ABHD12: variants seen among roughly 807,000 people sequenced by gnomAD.
ABHD12 encodes lysophosphatidylserine lipase ABHD12.
A neutral mutation model predicts 58.3 loss-of-function variants in ABHD12; 43 were observed. The observed-to-expected ratio is 0.74, with a 90% CI of 0.58 to 0.95. The LOEUF is 0.95. Among genes scored for constraint, ABHD12 ranks in the 40% least tolerant of loss-of-function variants. ABHD12 has a pLI of 0.00. For missense variants in ABHD12, 539 were observed against 537.2 expected (o/e 1.00, Z -0.03); for synonymous variants, 219 against 211.2 (o/e 1.04, Z -0.32).
At chr20:25,385,499 C>A (rs1004205292) in intron 1 of ABHD12, among the ~76,000 whole-genome samples, 9 of 151,970 alleles carry the variant, frequency 5.9e-5, no homozygotes, top group African/African-American at 2.2e-4. Context: ...CAGGACATAG[C>A]AAATTCTAAA....
rs751917613 is a variant in ABHD12, at chr20:25,339,317, G to A, written c.226C>T (p.Leu76Phe). The A allele has an allele frequency of 1.9e-6, 3 of 1,614,032 alleles. No individual in the cohort carries two copies. Among genetic ancestry groups the A allele is most frequent in the Non-Finnish European group, 2.5e-6 (3 of 1,180,036 alleles). ...ATGTACAACCCCAAAACACAGAAAA[G>A]TATCTTCCTCAGGCGCAACCACACG... ...KGVWLRLRKI[L>F]FCVLGLYIAI... The change falls in exon 2 of 13, where the codon CTT becomes TTT. Residue 76 changes from leucine (L) to phenylalanine (F), a missense_variant. Physicochemically the swap from Leu to Phe is conservative, Grantham distance 22. Coordinates refer to ENST00000339157, the MANE Select transcript of ABHD12 (RefSeq NM_001042472.3).
intron 6 of ABHD12, among the ~76,000 whole-genome samples, chr20:25,312,076 C>T (rs4355182): frequency 0.62 from 93,742 of 151,772 alleles, 30,526 homozygotes; most frequent in African/African-American, 0.79. Context: ...CCCAACACTT[C>T]GGGAGGCCAA....
In ABHD12 at chr20:25,339,220, CACTT is replaced by C; in HGVS notation, c.316+3_316+6del. 6.2e-7 allele frequency: 1 copy of C among 1,613,990 alleles called. No homozygotes were observed. The highest frequency in any genetic ancestry group is 8.5e-7 in the Non-Finnish European group (1 of 1,179,964). Reference sequence around the variant, plus strand: ...AATTAAAGGAAAAATGGACACATACCACTTACCGAAATTCAAGAAAATCAGTTTG... The same window carrying C: ...AATTAAAGGAAAAATGGACACATACCACCGAAATTCAAGAAAATCAGTTTG... On this transcript the variant is annotated splice_donor_5th_base_variant and intron_variant, in intron 2 of 12. Coordinates refer to ENST00000339157, the MANE Select transcript of ABHD12 (RefSeq NM_001042472.3).
At chr20:25,321,668 TAA>T (rs2145974360) in intron 3 of ABHD12, among the ~76,000 whole-genome samples, 1 of 152,338 alleles carries the variant, frequency 6.6e-6, no homozygotes, top group East Asian at 1.9e-4. Context: ...ACTTCCAGCC[TAA>T]GTCTCACCAC....
At chr20:25,305,715 G>A (rs1161532790) in intron 10 of ABHD12, among the ~76,000 whole-genome samples, 1 of 151,930 alleles carries the variant, frequency 6.6e-6, no homozygotes, top group East Asian at 1.9e-4. Flanking sequence ...ATGTCACAAA[G>A]ACAATATCAA....
rs2088613739 is a variant in ABHD12, at chr20:25,300,404, G to C, written c.*441C>G. ...GGCAGGAGGGGACGATGGAACCACT[G>C]GAGTCATTCTGCATGTGCTGGGAAG... is the stretch of plus-strand genomic sequence containing the variant. On this transcript the variant is annotated 3_prime_UTR_variant, in exon 13 of 13. Coordinates refer to ENST00000339157, the MANE Select transcript of ABHD12 (RefSeq NM_001042472.3). 1.8e-6 allele frequency: 2 copies of C among 1,137,854 alleles called. No homozygotes were observed. The highest frequency in any genetic ancestry group is 8.0e-5 in the Admixed American group (2 of 25,018). 70.5% of individuals were successfully genotyped at this position (1,137,854 alleles called of 1,614,324 possible). A position where few individuals can be genotyped will look rare whatever the true frequency, so the allele number is the denominator to read the frequency against.
chr20:25,353,889 G>A (rs1157642077), intron 1 of ABHD12, among the ~76,000 whole-genome samples: 1 of 152,154 alleles, frequency 6.6e-6, no homozygotes, highest in African/African-American at 2.4e-5. Flanking sequence ...AAGAATGACT[G>A]CTGCGTGATC....
intron 2 of ABHD12, among the ~76,000 whole-genome samples, chr20:25,330,448 G>A (rs567078442): frequency 6.6e-6 from 1 of 152,374 alleles, no homozygotes; most frequent in South Asian, 2.1e-4. Context: ...AGCTCAAACT[G>A]GGTGGAGCCC....
intron 1 of ABHD12, among the ~76,000 whole-genome samples, chr20:25,369,737 T>A (rs1479920027): frequency 6.6e-6 from 1 of 152,166 alleles, no homozygotes; most frequent in African/African-American, 2.4e-5. Flanking sequence ...TAAGCTATTT[T>A]ATAACTTCAC....
chr20:25,380,721 C>A (rs2090012136), intron 1 of ABHD12, among the ~76,000 whole-genome samples: 1 of 152,164 alleles, frequency 6.6e-6, no homozygotes, highest in South Asian at 2.1e-4. Context: ...TAACTCATTG[C>A]CCAGGTCCTG....
chr20:25,366,138 C>T (rs1353637747), intron 1 of ABHD12, among the ~76,000 whole-genome samples: 1 of 152,064 alleles, frequency 6.6e-6, no homozygotes, highest in Non-Finnish European at 1.5e-5. Context: ...GGGCCTTGAA[C>T]TTTTTTCTTT....
At chr20:25,309,774 C>T (rs2088814834) in intron 6 of ABHD12, among the ~76,000 whole-genome samples, 199 bp from the exon 7 acceptor site, 1 of 152,248 alleles carries the variant, frequency 6.6e-6, no homozygotes, top group African/African-American at 2.4e-5. Flanking sequence ...CACATCCCCA[C>T]CAGCCCTGGG....
chr20:25,337,649 A>C (rs1180476949), intron 2 of ABHD12, among the ~76,000 whole-genome samples: 1 of 152,224 alleles, frequency 6.6e-6, no homozygotes, highest in African/African-American at 2.4e-5. Context: ...CCTGGCAGCA[A>C]AGGCACCTGC....
chr20:25,390,549 C>T lies in ABHD12; in HGVS notation c.155G>A (p.Cys52Tyr). ...LTGPAAAEPR[C>Y]AADAGMKRAL... ...CCGCTTCATTCCCGCGTCGGCTGCG[C>T]AGCGCGGCTCAGCCGCCGCCGGGCC... The change falls in exon 1 of 13, where the codon TGC (cysteine) becomes TAC (tyrosine). Residue 52 changes from cysteine to tyrosine, a missense_variant. Physicochemically the swap from Cys to Tyr is radical, Grantham distance 194. Transcript: ENST00000339157. The T allele has an allele frequency of 6.8e-7, 1 of 1,472,424 alleles. No homozygotes were observed. The highest frequency in any genetic ancestry group is 2.3e-4 in the Middle Eastern group (1 of 4,410). The allele number at this position is 1,472,424 out of a possible 1,614,324, so 91.2% of individuals were successfully genotyped here. A position where few individuals can be genotyped will look rare whatever the true frequency, so the allele number is the denominator to read the frequency against.
At chr20:25,302,702 C>T (rs185561343) in intron 11 of ABHD12, among the ~76,000 whole-genome samples, 3 of 152,328 alleles carry the variant, frequency 2.0e-5, no homozygotes, top group Admixed American at 2.0e-4. Flanking sequence ...TCAGGCTTAG[C>T]TAAGATGGGC....
At chr20:25,377,172 T>C (rs1181597037) in intron 1 of ABHD12, among the ~76,000 whole-genome samples, 1 of 152,188 alleles carries the variant, frequency 6.6e-6, no homozygotes, top group Non-Finnish European at 1.5e-5. Context: ...AGCCAGATAT[T>C]GAATGTCCTA....
intron 2 of ABHD12, among the ~76,000 whole-genome samples, chr20:25,326,914 T>C (rs1954758365): frequency 6.6e-6 from 1 of 152,232 alleles, no homozygotes. Flanking sequence ...TAGTCCCCAT[T>C]ATTAACCTTA....
At position 25,300,735 on chromosome 20, in the gene ABHD12, T is replaced by G; in HGVS notation, c.*110A>C. The stretch of plus-strand genomic sequence containing the variant: ...GGTGCTCTCCAGGTGCGAGCTGGGC[T>G]CCTGAGCATTGCAGGTGCCGGCCCC... On this transcript the variant is annotated 3_prime_UTR_variant, in exon 13 of 13. Transcript: ENST00000339157. 6.3e-7 allele frequency: 1 copy of G among 1,590,546 alleles called. No homozygotes were observed. The highest frequency in any genetic ancestry group is 8.5e-7 in the Non-Finnish European group (1 of 1,170,658).
chr20:25,303,355 C>T (rs768347297), intron 11 of ABHD12, 195 bp downstream of exon 11: 34 of 1,485,980 alleles, frequency 2.3e-5, no homozygotes, highest in Non-Finnish European at 3.0e-5. Context: ...ACCAGACCTC[C>T]CATGTCCTTC....
Sources: gnomAD v4.1 joint callset for allele counts (sites outside exome capture counted in the v4.1 genomes callset) on GRCh38, gnomAD v4.1.1 for gene constraint, MANE v1.5 for transcripts, NCBI Gene and HGNC (gene_info 2026-07-23, HGNC 2026-07-21) for gene names.